ECHS1: variants seen among roughly 807,000 people sequenced by gnomAD.
ECHS1 encodes enoyl-CoA hydratase, mitochondrial.
A neutral mutation model predicts 33.5 loss-of-function variants in ECHS1; 19 were observed. The ratio of observed to expected loss-of-function variants is 0.57; its 90% CI spans 0.40 to 0.83. The LOEUF (loss-of-function observed/expected upper bound fraction) is 0.83, where lower values mean the gene tolerates loss of function less well. ECHS1 is among the 40% of genes least tolerant of loss of function. The pLI, the probability that ECHS1 is intolerant of heterozygous loss-of-function variation, is 0.00. For synonymous variants in ECHS1, 158 were observed against 146.6 expected (o/e 1.08, Z -0.56); for missense variants, 365 against 381.3 (o/e 0.96, Z 0.36).
chr10:133,367,942 C>T (rs1043131071), intron 4 of ECHS1, among the ~76,000 whole-genome samples: 10 of 152,118 alleles, frequency 6.6e-5, no homozygotes, highest in Non-Finnish European at 1.2e-4. Flanking sequence ...GAGGATTCAC[C>T]GTCCTCACCC....
chr10:133,366,762 C>G lies in ECHS1; in HGVS notation c.619+127G>C, dbSNP rs1849039383. On this transcript the variant is annotated intron_variant, in intron 5 of 7. Coordinates refer to ENST00000368547, the MANE Select transcript of ECHS1 (RefSeq NM_004092.4). ...TTCTGTGGGGCACCCATGAGGGGGA[C>G]ACCTGGATGCTGCCCCGGGTTTCTG... The G allele has an allele frequency of 4.4e-6, 3 of 676,212 alleles. No homozygotes were observed. In the South Asian group the frequency reaches 5.1e-5, roughly 11 times the overall value. 41.9% of individuals were successfully genotyped at this position (676,212 alleles called of 1,614,324 possible). A position where few individuals can be genotyped will look rare whatever the true frequency, so the allele number is the denominator to read the frequency against.
At chr10:133,371,353 C>A (rs866152722) in intron 1 of ECHS1, among the ~76,000 whole-genome samples, 1 of 152,160 alleles carries the variant, frequency 6.6e-6, no homozygotes, top group Non-Finnish European at 1.5e-5. Context: ...TCCTAATATG[C>A]CTTGGTCAGC....
At chr10:133,366,755 A>T in intron 5 of ECHS1, 134 bp downstream of exon 5, 1 of 623,998 alleles carries the variant, frequency 1.6e-6, no homozygotes, top group Non-Finnish European at 2.8e-6. Context: ...GGCACCCATG[A>T]GGGGGACACC....
chr10:133,367,989 C>T (rs1011909042), intron 4 of ECHS1, among the ~76,000 whole-genome samples: 1 of 152,164 alleles, frequency 6.6e-6, no homozygotes, highest in Non-Finnish European at 1.5e-5. Context: ...TATCAGTGCG[C>T]CCAGCCATTC....
At position 133,363,352 on chromosome 10, in the gene ECHS1, C is replaced by T. The variant is rs948284829; in HGVS notation, c.808-419G>A. ...GCACGTGTGTCCCCAGGTGTGCGCG[C>T]GCGCACACACACACACACACACACA... On this transcript the variant is annotated intron_variant, in intron 7 of 7. Transcript: ENST00000368547. Among the ~76,000 whole-genome samples, 93 of 17,114 alleles carry T rather than the reference C, an allele frequency of 5.4e-3. 1 individual carries two copies. In the East Asian group the frequency reaches 0.14, roughly 26 times the overall value. The allele number at this position is 17,114 out of a possible 152,430, so 11.2% of individuals were successfully genotyped here.
chr10:133,364,044 A>G (rs568629660), intron 7 of ECHS1, among the ~76,000 whole-genome samples: 18 of 151,882 alleles, frequency 1.2e-4, no homozygotes, highest in Non-Finnish European at 2.6e-4. Context: ...CTCTGGGTTC[A>G]AGCGATTCTC....
At chr10:133,369,717 G>A (rs1214594447) in intron 3 of ECHS1, among the ~76,000 whole-genome samples, 187 bp downstream of exon 3, 2 of 152,250 alleles carry the variant, frequency 1.3e-5, no homozygotes, top group South Asian at 2.1e-4. Context: ...GAACAGCCAC[G>A]AAAAAAGCAG....
intron 7 of ECHS1, among the ~76,000 whole-genome samples, chr10:133,363,677 G>C (rs566939282): frequency 6.6e-6 from 1 of 152,092 alleles, no homozygotes; most frequent in Non-Finnish European, 1.5e-5. Context: ...CCAGCTACTC[G>C]GGAGGCTGAA....
Position 133,366,988 on chromosome 10 carries a change from C to G in ECHS1, c.520G>C (p.Gly174Arg). ...GCACGGGTGAGTCTCTGGGTGCCGC[C>G]CGCACCTGCAGGGAGGGGCTGGTCA... is the stretch of plus-strand genomic sequence containing the variant. Reference protein sequence around the residue: ...EILIGTIPGAGGTQRLTRAVG... With the variant: ...EILIGTIPGARGTQRLTRAVG... Residue 174 changes from glycine to arginine, a missense_variant, in exon 5 of 8, where the codon GGC becomes CGC. Coordinates refer to ENST00000368547, the MANE Select transcript of ECHS1 (RefSeq NM_004092.4). 1 of 1,610,684 alleles carries G rather than the reference C, an allele frequency of 6.2e-7. No homozygotes were observed. The highest frequency in any genetic ancestry group is 8.5e-7 in the Non-Finnish European group (1 of 1,179,474).
rs566614463 is a variant in ECHS1 at position 133,362,540 on chromosome 10, T to C, written c.*328A>G. The C allele has an allele frequency of 1.1e-4, 45 of 404,890 alleles. No individual in the cohort carries two copies. The highest frequency in any genetic ancestry group is 2.4e-4 in the Admixed American group (6 of 25,168). The allele number at this position is 404,890 out of a possible 1,614,324, so 25.1% of individuals were successfully genotyped here. ...TCTGTATGAAGGCAGCAGACAGCGT[T>C]TCCCTCAGAGCAGCCCCATTCTTCA... On this transcript the variant is annotated 3_prime_UTR_variant, in exon 8 of 8. Transcript: ENST00000368547.
chr10:133,371,149 C>T lies in ECHS1; in HGVS notation c.89-392G>A, dbSNP rs552736377. Among the ~76,000 whole-genome samples the T allele has an allele frequency of 1.4e-4, 21 of 151,680 alleles. No individual in the cohort carries two copies. The South Asian group carries it at 4.1e-3, about 30-fold the overall frequency. On this transcript the variant is annotated intron_variant, in intron 1 of 7. Transcript: ENST00000368547. ...AAAATTAGTCGGGTGTTGTGGCGGG[C>T]GCCTGTAGTCCCAGCTACTGGGGAG... is the stretch of plus-strand genomic sequence containing the variant.
At chr10:133,368,645 G>A (rs1364138367) in intron 4 of ECHS1, among the ~76,000 whole-genome samples, 1 of 152,168 alleles carries the variant, frequency 6.6e-6, no homozygotes, top group African/African-American at 2.4e-5. Context: ...CGAATCACAA[G>A]CAAGAACTGT....
chr10:133,366,797 C>T, intron 5 of ECHS1, 92 bp downstream of exon 5: 1 of 985,878 alleles, frequency 1.0e-6, no homozygotes, highest in East Asian at 2.5e-5. Flanking sequence ...GTGGGGCTCC[C>T]CCGAGGGGGA....
At chr10:133,368,155 C>G (rs1232716146) in intron 4 of ECHS1, among the ~76,000 whole-genome samples, 1 of 152,198 alleles carries the variant, frequency 6.6e-6, no homozygotes, top group East Asian at 1.9e-4. Context: ...GGACACTACA[C>G]TCCCCCAACA....
chr10:133,365,873 GA>G, intron 6 of ECHS1, 102 bp downstream of exon 6: 1 of 1,418,370 alleles, frequency 7.1e-7, no homozygotes, highest in Non-Finnish European at 9.7e-7. Flanking sequence ...TTCTGCCCAG[GA>G]GGGCTTAAGG....
rs1849083079 is a variant in ECHS1, at chr10:133,370,003, G to A, written c.315C>T (p.Asn105=). 6.2e-7 allele frequency: 1 copy of A among 1,613,874 alleles called. No homozygotes were observed. The highest frequency in any genetic ancestry group is 8.5e-7 in the Non-Finnish European group (1 of 1,179,974). ...AAGADIKEMQ[N]LSFQDCYSSK... is the part of the protein sequence containing the mutation. ...TGGAGTAACAGTCCTGGAAACTCAG[G>A]TTCTGCATTTCCTTGATATCAGCTC... The change falls in exon 3 of 8, where the codon AAC becomes AAT. Residue 105 remains asparagine (N), a synonymous_variant. Coordinates refer to ENST00000368547, the MANE Select transcript of ECHS1 (RefSeq NM_004092.4).
chr10:133,371,803 T>G (rs1849112560), intron 1 of ECHS1: 1 of 154,244 alleles, frequency 6.5e-6, no homozygotes, highest in African/African-American at 2.4e-5. Flanking sequence ...TGCTATGGGT[T>G]TCTTTTTTTT....
At chr10:133,366,848 C>CG (rs749950906) in intron 5 of ECHS1, 41 bp downstream of exon 5, 1 of 1,521,588 alleles carries the variant, frequency 6.6e-7, no homozygotes, top group Non-Finnish European at 9.0e-7. Flanking sequence ...GCTCCCACCC[C>CG]GGGTTTCCAG....
At chr10:133,367,084 A>G (rs1273814658) in intron 4 of ECHS1, 91 bp from the exon 5 acceptor site, 2 of 1,044,324 alleles carry the variant, frequency 1.9e-6, no homozygotes, top group Non-Finnish European at 2.9e-6. Flanking sequence ...CAAGGGGCTT[A>G]AGATAGGCCC....
Sources: allele counts gnomAD v4.1 joint callset (sites outside exome capture counted in the v4.1 genomes callset), GRCh38; gene constraint gnomAD v4.1.1; transcripts MANE v1.5; gene names NCBI Gene and HGNC (gene_info 2026-07-23, HGNC 2026-07-21).